Variants in ERG observed in about 807,000 individuals in gnomAD.
ERG encodes transcriptional regulator ERG.
ERG carries 9 observed loss-of-function variants against 55.3 expected under a neutral mutation model. The ratio of observed to expected loss-of-function variants is 0.16; its 90% CI spans 0.10 to 0.28. ERG has a LOEUF of 0.28. Ranked by LOEUF, ERG falls within the 10% of genes least tolerant of loss-of-function variation. The probability of loss-of-function intolerance (pLI) is 1.00; values close to 1 mark genes in which losing one functional copy is unlikely to be tolerated. For synonymous variants in ERG, 223 were observed against 237.3 expected, an observed-to-expected ratio of 0.94 and a Z score of 0.55; for missense variants, 434 against 631.6, an observed-to-expected ratio of 0.69 and a Z score of 3.35.
intron 2 of ERG, among the ~76,000 whole-genome samples, chr21:38,551,599 T>C (rs900468784): frequency 2.0e-5 from 3 of 152,244 alleles, no homozygotes; most frequent in African/African-American, 4.8e-5. Flanking sequence ...CTTAGTTTCA[T>C]TGTTTACCCA....
intron 1 of ERG, among the ~76,000 whole-genome samples, chr21:38,604,089 A>C (rs1011097494): frequency 7.3e-6 from 1 of 136,138 alleles, no homozygotes; most frequent in Non-Finnish European, 1.5e-5. Flanking sequence ...TCTACTAAAA[A>C]TAAAAAAAAA....
chr21:38,459,811 C>T (rs1037838370), intron 1 of ERG, among the ~76,000 whole-genome samples: 14 of 152,228 alleles, frequency 9.2e-5, no homozygotes, highest in African/African-American at 3.1e-4. Context: ...AGATTACATC[C>T]ATGACCCAAA....
chr21:38,520,131 G>A (rs1047228121), intron 2 of ERG, among the ~76,000 whole-genome samples: 4 of 152,086 alleles, frequency 2.6e-5, no homozygotes, highest in Non-Finnish European at 5.9e-5. Context: ...CAGATGAAAC[G>A]GGGGAGAAGG....
At chr21:38,608,924 T>A (rs887252417) in intron 1 of ERG, among the ~76,000 whole-genome samples, 2 of 152,190 alleles carry the variant, frequency 1.3e-5, no homozygotes, top group African/African-American at 4.8e-5. Context: ...TACAACAGGA[T>A]GTTTTGAAAT....
At chr21:38,639,687 A>G (rs535822829) in intron 1 of ERG, among the ~76,000 whole-genome samples, 2 of 152,362 alleles carry the variant, frequency 1.3e-5, no homozygotes, top group South Asian at 4.1e-4. Context: ...GAGAAGAGAA[A>G]TGGGAACCAG....
chr21:38,613,809 C>G (rs1341907777), intron 1 of ERG, among the ~76,000 whole-genome samples: 2 of 152,186 alleles, frequency 1.3e-5, no homozygotes, highest in Non-Finnish European at 2.9e-5. Context: ...AAGGAAATCT[C>G]CCACCTAGAA....
At chr21:38,654,299 G>A (rs902997698) in intron 1 of ERG, among the ~76,000 whole-genome samples, 3 of 152,180 alleles carry the variant, frequency 2.0e-5, no homozygotes, top group Non-Finnish European at 2.9e-5. Context: ...CCAATGTGGC[G>A]AAATCCTGTC....
Position 38,563,007 on chromosome 21 carries a change from C to T in ERG, c.-41+12655G>A, listed in dbSNP as rs575001879. On this transcript the variant is annotated intron_variant, in intron 2 of 8. Transcript: ENST00000398897. Reference sequence around the variant, plus strand: ...GAAGCTTAAATGCACATTACTATACCAGATAAGAAAATCTGAAAAGGCTAC... The same window carrying T: ...GAAGCTTAAATGCACATTACTATACTAGATAAGAAAATCTGAAAAGGCTAC... Among the ~76,000 whole-genome samples the T allele has an allele frequency of 1.2e-4, 18 of 152,206 alleles. 1 individual carries two copies. The South Asian group carries it at 3.7e-3, about 32-fold the overall frequency.
chr21:38,489,322 G>A (rs988134212), intron 1 of ERG, among the ~76,000 whole-genome samples: 1 of 152,214 alleles, frequency 6.6e-6, no homozygotes, highest in Non-Finnish European at 1.5e-5. Context: ...GTGAGTCCAT[G>A]AAAACAGCTC....
intron 9 of ERG, 87 bp downstream of exon 9, chr21:38,390,907 GA>G: frequency 9.6e-7 from 1 of 1,040,324 alleles, no homozygotes; most frequent in Non-Finnish European, 1.5e-6. Context: ...TCAGTTGAAG[GA>G]ATTTCTCACC....
intron 1 of ERG, chr21:38,474,178 C>G (rs1488869494): frequency 8.5e-5 from 13 of 152,216 alleles, no homozygotes; most frequent in Admixed American, 7.9e-4. Flanking sequence ...ATGGTCATAT[C>G]TGAGGACTTC....
intron 1 of ERG, among the ~76,000 whole-genome samples, chr21:38,484,190 C>T (rs1286396901): frequency 6.6e-6 from 1 of 152,156 alleles, no homozygotes; most frequent in African/African-American, 2.4e-5. Context: ...GTCGTGAACT[C>T]CTGAGCTCAG....
At chr21:38,558,572 T>C (rs1337553050) in intron 2 of ERG, among the ~76,000 whole-genome samples, 1 of 152,182 alleles carries the variant, frequency 6.6e-6, no homozygotes, top group Non-Finnish European at 1.5e-5. Context: ...GAATAGTAAA[T>C]GGCAAAAGTA....
At chr21:38,420,839 G>A (rs1339282237) in intron 3 of ERG, among the ~76,000 whole-genome samples, 1 of 152,192 alleles carries the variant, frequency 6.6e-6, no homozygotes, top group Non-Finnish European at 1.5e-5. Context: ...ACCAAGCAAG[G>A]AATCTTCAGT....
chr21:38,489,409 A>C (rs1016910501), intron 1 of ERG, among the ~76,000 whole-genome samples: 14 of 152,224 alleles, frequency 9.2e-5, no homozygotes, highest in Admixed American at 3.9e-4. Context: ...ATGCTATCCT[A>C]GCAACACACA....
At chr21:38,653,487 G>A (rs1371906905) in intron 1 of ERG, among the ~76,000 whole-genome samples, 2 of 152,260 alleles carry the variant, frequency 1.3e-5, no homozygotes, top group East Asian at 3.9e-4. Context: ...ATTTCCACCT[G>A]TAGGTATTTA....
chr21:38,541,711 T>G (rs1197865662), intron 2 of ERG, among the ~76,000 whole-genome samples: 1 of 152,208 alleles, frequency 6.6e-6, no homozygotes, highest in Non-Finnish European at 1.5e-5. Flanking sequence ...TTGTAGTGAA[T>G]TTAACGAAAC....
chr21:38,411,655 T>C (rs1041074011), intron 3 of ERG, among the ~76,000 whole-genome samples: 33 of 152,206 alleles, frequency 2.2e-4, no homozygotes, highest in Non-Finnish European at 2.8e-4. Context: ...TTTGGCGGCC[T>C]AGTGCATGGT....
chr21:38,645,207 A>G (rs369012567), intron 1 of ERG, among the ~76,000 whole-genome samples: 2 of 152,320 alleles, frequency 1.3e-5, no homozygotes, highest in East Asian at 3.9e-4. Context: ...AAAATAAGTA[A>G]ATAATAAATT....
Sources: allele counts gnomAD v4.1 joint callset (sites outside exome capture counted in the v4.1 genomes callset), GRCh38; gene constraint gnomAD v4.1.1; transcripts MANE v1.5; gene names NCBI Gene and HGNC (gene_info 2026-07-23, HGNC 2026-07-21).